Variants in KAZN observed in about 807,000 individuals in gnomAD.
KAZN encodes the protein kazrin.
KAZN carries 40 observed loss-of-function variants against 87.4 expected under a neutral mutation model. The ratio of observed to expected loss-of-function variants is 0.46; its 90% confidence interval spans 0.36 to 0.60. The LOEUF is 0.60. Ranked by LOEUF, KAZN falls within the 20% of genes least tolerant of loss-of-function variation. The pLI, the probability that KAZN is intolerant of heterozygous loss-of-function variation, is 0.00. For synonymous variants in KAZN, 466 were observed against 458.3 expected (o/e 1.02, Z -0.22); for missense variants, 898 against 1,073.9 (o/e 0.84, Z 2.29).
chr1:14,221,572 G>C (rs534894822), intron 2 of KAZN, among the ~76,000 whole-genome samples: 1 of 152,152 alleles, frequency 6.6e-6, no homozygotes, highest in Non-Finnish European at 1.5e-5. Context: ...TCACTGCAGA[G>C]CTTGCCAGCT....
At chr1:14,583,441 A>T (rs1336509635) in intron 2 of KAZN, among the ~76,000 whole-genome samples, 1 of 152,332 alleles carries the variant, frequency 6.6e-6, no homozygotes, top group East Asian at 1.9e-4. Flanking sequence ...ATGCACGTGT[A>T]GGAGTGAGGA....
rs111374984 is a variant in KAZN, at chr1:13,989,604, T to A, written c.91+95848T>A. Reference sequence around the variant, plus strand: ...TTCATTCATTTATATATGCATTTGTTCAGTTTTTACTCTATGTAGTATTCT... The same window carrying A: ...TTCATTCATTTATATATGCATTTGTACAGTTTTTACTCTATGTAGTATTCT... On this transcript the variant is annotated intron_variant, in intron 1 of 16. Coordinates refer to the KAZN transcript ENST00000636203. Among the ~76,000 whole-genome samples, 1,479 of 152,278 alleles carry A rather than the reference T, an allele frequency of 9.7e-3. 18 individuals carry two copies. Among genetic ancestry groups the A allele is most frequent in the African/African-American group, 0.032 (1,337 of 41,546 alleles).
chr1:15,007,841 A>G (rs1003700652), intron 2 of KAZN, among the ~76,000 whole-genome samples: 5 of 152,190 alleles, frequency 3.3e-5, no homozygotes, highest in Non-Finnish European at 1.5e-5. Flanking sequence ...GATTTGCATA[A>G]GGAGTTTTTT....
At chr1:13,925,975 A>G (rs932283695) in intron 1 of KAZN, among the ~76,000 whole-genome samples, 11 of 152,120 alleles carry the variant, frequency 7.2e-5, no homozygotes, top group Admixed American at 4.6e-4. Context: ...TGGAGTGGCC[A>G]TTGACTGAGA....
At chr1:14,348,638 G>C (rs528553670) in intron 2 of KAZN, among the ~76,000 whole-genome samples, 1 of 152,180 alleles carries the variant, frequency 6.6e-6, no homozygotes, top group East Asian at 1.9e-4. Flanking sequence ...AAAAGAACGC[G>C]AAGAGGGGGA....
intron 1 of KAZN, among the ~76,000 whole-genome samples, chr1:13,900,807 G>A (rs1012869002): frequency 6.6e-6 from 1 of 152,028 alleles, no homozygotes; most frequent in Non-Finnish European, 1.5e-5. Context: ...TACTTCATAG[G>A]GTTGTGATGA....
At chr1:13,911,820 T>A (rs1639662455) in intron 1 of KAZN, among the ~76,000 whole-genome samples, 1 of 152,132 alleles carries the variant, frequency 6.6e-6, no homozygotes, top group Non-Finnish European at 1.5e-5. Context: ...TTGTGATTGA[T>A]AAGGACAGTT....
At position 14,022,485 on chromosome 1, in the gene KAZN, CAAAAAAAAAAAAAAAAA is replaced by C. The variant is rs58713618; in HGVS notation, c.91+128742_91+128758del. ...CATTATAGCTTTCACGTATTTAAAG[CAAAAAAAAAAAAAAAAA>C]AAAAAAAAAAAAGAAAAAAAGAAAA... On this transcript the variant is annotated intron_variant, in intron 1 of 16. Coordinates refer to the KAZN transcript ENST00000636203. Among the ~76,000 whole-genome samples the C allele has an allele frequency of 2.4e-4, 27 of 110,514 alleles. No homozygotes were observed. In the East Asian group the frequency reaches 6.1e-3, roughly 25 times the overall value. The allele number at this position is 110,514 out of a possible 152,430, so 72.5% of individuals were successfully genotyped here. A position where few individuals can be genotyped will look rare whatever the true frequency, so the allele number is the denominator to read the frequency against.
At chr1:14,128,002 A>G (rs2101724466) in intron 1 of KAZN, among the ~76,000 whole-genome samples, 1 of 152,306 alleles carries the variant, frequency 6.6e-6, no homozygotes, top group African/African-American at 2.4e-5. Flanking sequence ...GTCCAAGTTT[A>G]CAAGACGATG....
At chr1:14,076,058 G>T (rs545465957) in intron 1 of KAZN, among the ~76,000 whole-genome samples, 1 of 152,238 alleles carries the variant, frequency 6.6e-6, no homozygotes, top group Non-Finnish European at 1.5e-5. Flanking sequence ...GAGGCAGGTG[G>T]ATCACGAGAT....
chr1:14,784,307 G>A (rs1026091892), intron 1 of KAZN, among the ~76,000 whole-genome samples: 3 of 152,176 alleles, frequency 2.0e-5, no homozygotes, highest in African/African-American at 7.2e-5. Flanking sequence ...TCCTGGCAAC[G>A]CCTAGATGAG....
intron 1 of KAZN, among the ~76,000 whole-genome samples, chr1:13,928,056 A>T (rs1248851370): frequency 6.6e-6 from 1 of 152,214 alleles, no homozygotes; most frequent in African/African-American, 2.4e-5. Context: ...TGAAACTGTT[A>T]ACCACAGAGC....
intron 1 of KAZN, among the ~76,000 whole-genome samples, chr1:14,860,700 C>T (rs1336271182): frequency 6.6e-6 from 1 of 152,208 alleles, no homozygotes; most frequent in Non-Finnish European, 1.5e-5. Flanking sequence ...ATACACACTG[C>T]ACACATATAC....
chr1:14,780,147 G>A (rs942166199), intron 1 of KAZN, among the ~76,000 whole-genome samples: 3 of 152,310 alleles, frequency 2.0e-5, no homozygotes, highest in South Asian at 4.1e-4. Context: ...TGAGCTAAAC[G>A]TGTTTCTTCT....
chr1:14,886,245 T>C (rs1182231651), intron 1 of KAZN, among the ~76,000 whole-genome samples: 2 of 150,816 alleles, frequency 1.3e-5, no homozygotes, highest in African/African-American at 4.9e-5. Flanking sequence ...AACACAGCCA[T>C]ACCACATCAC....
intron 2 of KAZN, among the ~76,000 whole-genome samples, chr1:14,372,322 A>G (rs1660555749): frequency 6.6e-6 from 1 of 152,182 alleles, no homozygotes; most frequent in Non-Finnish European, 1.5e-5. Context: ...GACTTGTGTT[A>G]AGTATATTTT....
intron 2 of KAZN, among the ~76,000 whole-genome samples, chr1:14,297,370 G>A (rs1654205454): frequency 6.6e-6 from 1 of 152,196 alleles, no homozygotes; most frequent in African/African-American, 2.4e-5. Flanking sequence ...ACTGATTTTC[G>A]TTAGTCTCAT....
chr1:15,080,707 A>C (rs1639957541), intron 8 of KAZN, among the ~76,000 whole-genome samples: 1 of 152,212 alleles, frequency 6.6e-6, no homozygotes, highest in South Asian at 2.1e-4. Context: ...TTGGAGCTAC[A>C]TGTGCTGATG....
At position 14,031,587 on chromosome 1, in the gene KAZN, CT is replaced by C. The variant is rs1308663298; in HGVS notation, c.91+137833del. Among the ~76,000 whole-genome samples, 11 of 152,288 alleles carry C rather than the reference CT, an allele frequency of 7.2e-5. No individual in the cohort carries two copies. In the South Asian group the frequency reaches 1.5e-3, roughly 20 times the overall value. ...TCCTCCTATGAATGAGAGGCAGAAG[CT>C]TCCTGCTTTTATTCAGTTCTGTTGC... On this transcript the variant is annotated intron_variant, in intron 1 of 16. Transcript: ENST00000636203.
Sources: allele counts gnomAD v4.1 joint callset (sites outside exome capture counted in the v4.1 genomes callset), GRCh38; gene constraint gnomAD v4.1.1; transcripts MANE v1.5; gene names NCBI Gene and HGNC (gene_info 2026-07-23, HGNC 2026-07-21).